Variants in EXOC4 observed in about 807,000 individuals in gnomAD.
EXOC4 encodes exocyst complex component 4, also known as SEC8-like 1.
In EXOC4, 71 loss-of-function variants were observed where a neutral mutation model predicts 107.2. The observed-to-expected ratio is 0.66, with a 90% CI of 0.55 to 0.81. The LOEUF (loss-of-function observed/expected upper bound fraction) is 0.81. Ranked by LOEUF, EXOC4 falls within the 30% of genes least tolerant of loss-of-function variation. The pLI is 0.00. For missense variants in EXOC4, 1,108 were observed against 1,189.6 expected, an observed-to-expected ratio of 0.93 and a Z score of 1.01; for synonymous variants, 456 against 441.2, an observed-to-expected ratio of 1.03 and a Z score of -0.42.
At chr7:134,007,411 T>G (rs1404141997) in intron 16 of EXOC4, among the ~76,000 whole-genome samples, 1 of 152,192 alleles carries the variant, frequency 6.6e-6, no homozygotes. Flanking sequence ...ATGGTGGCAG[T>G]AGGTGTACAT....
the EXOC4 span, among the ~76,000 whole-genome samples, chr7:134,080,124 G>C: frequency 6.6e-6 from 1 of 152,300 alleles, no homozygotes; most frequent in Non-Finnish European, 1.5e-5. Context: ...TTACTGATTA[G>C]AAAGTTTCAT....
intron 7 of EXOC4, among the ~76,000 whole-genome samples, chr7:133,437,317 G>GA (rs1238025826): frequency 6.6e-6 from 1 of 151,944 alleles, no homozygotes; most frequent in South Asian, 2.1e-4. Context: ...ATTTATGAGA[G>GA]AAAAAAATGG....
chr7:133,822,201 C>T (rs1396126897), intron 11 of EXOC4, among the ~76,000 whole-genome samples: 4 of 152,150 alleles, frequency 2.6e-5, no homozygotes, highest in Non-Finnish European at 5.9e-5. Flanking sequence ...ATTCTGAACA[C>T]GGAGTTCTGG....
chr7:133,835,348 T>C (rs1424173197), intron 11 of EXOC4, among the ~76,000 whole-genome samples: 2 of 152,154 alleles, frequency 1.3e-5, no homozygotes, highest in Admixed American at 6.5e-5. Flanking sequence ...CAGCCTTGTT[T>C]TATACATTAA....
rs577269758 is a variant in EXOC4, at chr7:133,407,442, CT to C, written c.1182+32447del. Among the ~76,000 whole-genome samples the C allele has an allele frequency of 1.5e-4, 23 of 152,224 alleles. No homozygotes were observed. The South Asian group carries it at 4.6e-3, about 30-fold the overall frequency. ...CATTTTTAACATGTTTTGAGAATGA[CT>C]TTTTTTCTTTAACAGATTCTCAGCA... On this transcript the variant is annotated intron_variant, in intron 7 of 17. Transcript: ENST00000253861.
chr7:133,971,401 G>GAGAGAGAGAGAGAA (rs1296299775), intron 14 of EXOC4, among the ~76,000 whole-genome samples: 6 of 110,718 alleles, frequency 5.4e-5, no homozygotes, highest in African/African-American at 1.3e-4. Flanking sequence ...GAGAGAGAGA[G>GAGAGAGAGAGAGAA]AAAGAGAGAG....
At chr7:133,291,891 C>T (rs1794414742) in intron 3 of EXOC4, among the ~76,000 whole-genome samples, 1 of 152,174 alleles carries the variant, frequency 6.6e-6, no homozygotes. Context: ...ATTTTGGTCA[C>T]ACAGCAACTT....
intron 9 of EXOC4, among the ~76,000 whole-genome samples, chr7:133,489,031 TTTAA>T (rs1317057226): frequency 7.4e-5 from 11 of 149,100 alleles, no homozygotes; most frequent in Non-Finnish European, 1.5e-4. Context: ...ATCTAATATA[TTTAA>T]TATATATAAA....
intron 14 of EXOC4, among the ~76,000 whole-genome samples, chr7:133,941,364 T>C (rs1800424326): frequency 6.6e-6 from 1 of 152,186 alleles, no homozygotes; most frequent in Admixed American, 6.5e-5. Flanking sequence ...CCTGAACATT[T>C]CATGTCAGGT....
intron 9 of EXOC4, among the ~76,000 whole-genome samples, chr7:133,577,400 A>G (rs952195103): frequency 1.3e-5 from 2 of 152,166 alleles, no homozygotes; most frequent in African/African-American, 4.8e-5. Context: ...CTTTCTTCTA[A>G]TAACTATTTC....
chr7:133,823,878 A>ATATATATATATTT, intron 11 of EXOC4, among the ~76,000 whole-genome samples: 1 of 19,624 alleles, frequency 5.1e-5, no homozygotes, highest in East Asian at 1.2e-3. Context: ...TATATTATAT[A>ATATATATATATTT]TATATATATA....
intron 10 of EXOC4, among the ~76,000 whole-genome samples, chr7:133,663,515 A>G (rs1793743417): frequency 6.6e-6 from 1 of 152,118 alleles, no homozygotes; most frequent in African/African-American, 2.4e-5. Context: ...TAAAATATCC[A>G]AAACTGAGAT....
At chr7:133,971,357 T>TATATATATAG (rs1801223266) in intron 14 of EXOC4, among the ~76,000 whole-genome samples, 1 of 100,552 alleles carries the variant, frequency 9.9e-6, no homozygotes, top group Non-Finnish European at 1.9e-5. Context: ...TATATATATA[T>TATATATATAG]ATATAGAGAG....
intron 9 of EXOC4, among the ~76,000 whole-genome samples, chr7:133,517,998 G>A (rs1799911571): frequency 6.6e-6 from 1 of 151,792 alleles, no homozygotes; most frequent in African/African-American, 2.4e-5. Flanking sequence ...GGCTCGATTA[G>A]GGTTGGATGA....
At chr7:133,314,946 TTTTAC>T (rs1467182480) in intron 4 of EXOC4, 1 of 152,222 alleles carries the variant, frequency 6.6e-6, no homozygotes, top group East Asian at 1.9e-4. Context: ...AACATTTTTA[TTTTAC>T]TTTATTCATT....
intron 10 of EXOC4, among the ~76,000 whole-genome samples, chr7:133,709,645 C>CTTT (rs147956984): frequency 2.5e-5 from 3 of 118,136 alleles, no homozygotes; most frequent in South Asian, 2.9e-4. Context: ...AATCTGTTTT[C>CTTT]TTTTTTTTTT....
chr7:133,807,424 G>T (rs1797104148), intron 10 of EXOC4, among the ~76,000 whole-genome samples: 1 of 152,162 alleles, frequency 6.6e-6, no homozygotes, highest in African/African-American at 2.4e-5. Context: ...TAGAAAATTT[G>T]CCAGATTCTC....
chr7:133,424,451 C>T (rs1423465052), intron 7 of EXOC4, among the ~76,000 whole-genome samples: 3 of 152,008 alleles, frequency 2.0e-5, no homozygotes, highest in East Asian at 1.9e-4. Flanking sequence ...ACTCCGGACA[C>T]ATCTGAACAT....
intron 10 of EXOC4, among the ~76,000 whole-genome samples, chr7:133,659,260 C>T (rs1243922401): frequency 6.6e-6 from 1 of 151,932 alleles, no homozygotes; most frequent in African/African-American, 2.4e-5. Context: ...GTAGTGGCAG[C>T]ACCACCAGCA....
Sources: gnomAD v4.1 joint callset for allele counts (sites outside exome capture counted in the v4.1 genomes callset) on GRCh38, gnomAD v4.1.1 for gene constraint, MANE v1.5 for transcripts, NCBI Gene and HGNC (gene_info 2026-07-23, HGNC 2026-07-21) for gene names.